PCDH15: variants seen among roughly 807,000 people sequenced by gnomAD.
The protein encoded by PCDH15 is protocadherin related 15.
PCDH15 carries 129 observed loss-of-function variants against 178.5 expected under a neutral mutation model. The ratio of observed to expected loss-of-function variants is 0.72; its 90% confidence interval spans 0.63 to 0.84. The LOEUF is 0.84. PCDH15 is among the 40% of genes least tolerant of loss of function. PCDH15 has a pLI of 0.00. For synonymous variants in PCDH15, 800 were observed against 732.0 expected, an observed-to-expected ratio of 1.09 and a Z score of -1.50; for missense variants, 2,230 against 2,099.9, an observed-to-expected ratio of 1.06 and a Z score of -1.21.
chr10:54,095,356 A>T (rs1412044693), intron 15 of PCDH15, among the ~76,000 whole-genome samples: 1 of 151,980 alleles, frequency 6.6e-6, no homozygotes, highest in African/African-American at 2.4e-5. Flanking sequence ...ATTCATAATG[A>T]TAATATAAAA....
intron 2 of PCDH15, among the ~76,000 whole-genome samples, chr10:54,608,122 G>T (rs2092826368): frequency 6.6e-6 from 1 of 151,954 alleles, no homozygotes; most frequent in Admixed American, 6.6e-5. Context: ...TAGCCCTGAG[G>T]GGATTTCCGA....
intron 2 of PCDH15, among the ~76,000 whole-genome samples, chr10:55,397,672 G>C (rs546165443): frequency 2.0e-5 from 3 of 151,710 alleles, no homozygotes; most frequent in African/African-American, 7.3e-5. Flanking sequence ...AACCTCTCTC[G>C]TCTCCCGGGT....
intron 3 of PCDH15, among the ~76,000 whole-genome samples, chr10:54,399,271 A>G (rs568510456): frequency 6.3e-4 from 96 of 151,726 alleles, no homozygotes; most frequent in Non-Finnish European, 1.2e-3. Context: ...AGTGTGTAAC[A>G]TTTATATGAT....
chr10:53,863,576 A>C (rs75766477), intron 27 of PCDH15, among the ~76,000 whole-genome samples: 1,705 of 151,868 alleles, frequency 0.011, 41 homozygotes, highest in African/African-American at 0.039. Flanking sequence ...GTGAGAAATA[A>C]GTCAAATCTA....
intron 2 of PCDH15, among the ~76,000 whole-genome samples, chr10:55,468,130 G>A (rs74606245): frequency 0.039 from 5,947 of 152,072 alleles, 359 homozygotes; most frequent in East Asian, 0.28. Flanking sequence ...AGTTTCTCAA[G>A]AGCAGGGGGG....
At chr10:54,993,242 GTCAGAAGAATAAATAAAGA>G (rs1437935887) in intron 2 of PCDH15, among the ~76,000 whole-genome samples, 2 of 152,166 alleles carry the variant, frequency 1.3e-5, no homozygotes, top group Admixed American at 6.6e-5. Flanking sequence ...AGACCTCAAA[GTCAGAAGAATAAATAAAGA>G]TCTGAAGCTG....
intron 25 of PCDH15, among the ~76,000 whole-genome samples, chr10:53,925,269 G>A (rs1235384027): frequency 1.3e-5 from 2 of 151,472 alleles, no homozygotes; most frequent in African/African-American, 4.9e-5. Context: ...AACCCACTGG[G>A]TAGAATGAAC....
intron 15 of PCDH15, among the ~76,000 whole-genome samples, chr10:54,126,186 T>C (rs1365847702): frequency 6.6e-6 from 1 of 151,796 alleles, no homozygotes; most frequent in Non-Finnish European, 1.5e-5. Flanking sequence ...TTCTCCTGCC[T>C]TTGCCTCCCA....
chr10:54,268,895 T>C (rs1444585033), intron 8 of PCDH15, among the ~76,000 whole-genome samples: 1 of 151,676 alleles, frequency 6.6e-6, no homozygotes, highest in Admixed American at 6.6e-5. Flanking sequence ...CTATGACTTA[T>C]TTTTAAAAAC....
chr10:55,431,067 A>G (rs1838870608), intron 2 of PCDH15, among the ~76,000 whole-genome samples: 1 of 152,200 alleles, frequency 6.6e-6, no homozygotes, highest in African/African-American at 2.4e-5. Flanking sequence ...CTCTTTTAAA[A>G]AATCATGAAT....
chr10:54,701,245 A>G (rs2095305746), intron 1 of PCDH15, among the ~76,000 whole-genome samples: 1 of 152,244 alleles, frequency 6.6e-6, no homozygotes, highest in Admixed American at 6.6e-5. Context: ...TTCTTTTCAG[A>G]TAAGCAAATG....
intron 2 of PCDH15, among the ~76,000 whole-genome samples, chr10:55,121,160 C>T (rs1198556107): frequency 2.0e-5 from 3 of 152,152 alleles, no homozygotes; most frequent in Non-Finnish European, 4.4e-5. Context: ...AAACCCTTCT[C>T]CAGTTGTTCA....
intron 2 of PCDH15, among the ~76,000 whole-genome samples, chr10:55,572,575 AGT>A (rs1842425587): frequency 6.6e-6 from 1 of 152,040 alleles, no homozygotes; most frequent in Non-Finnish European, 1.5e-5. Context: ...ATGAGGAGTA[AGT>A]GAGGAGAGAT....
chr10:55,325,961 G>A (rs1175312550), intron 2 of PCDH15, among the ~76,000 whole-genome samples: 1 of 151,804 alleles, frequency 6.6e-6, no homozygotes, highest in African/African-American at 2.4e-5. Flanking sequence ...GAAGACATAC[G>A]TGCAGCCTAC....
intron 26 of PCDH15, among the ~76,000 whole-genome samples, chr10:53,882,308 A>G (rs190521472): frequency 2.8e-4 from 43 of 152,228 alleles, no homozygotes; most frequent in African/African-American, 9.6e-4. Flanking sequence ...TTGGGCACCA[A>G]TAAATAGCAT....
chr10:54,850,830 C>T (rs1270533470), intron 3 of PCDH15, among the ~76,000 whole-genome samples: 1 of 152,000 alleles, frequency 6.6e-6, no homozygotes, highest in Non-Finnish European at 1.5e-5. Flanking sequence ...ATATATAAAA[C>T]ATCTGAAAAA....
chr10:55,266,986 C>A (rs1353064667), intron 1 of PCDH15, among the ~76,000 whole-genome samples: 1 of 152,144 alleles, frequency 6.6e-6, no homozygotes, highest in East Asian at 1.9e-4. Context: ...AACCCTACAG[C>A]CTGGTTGCTT....
intron 2 of PCDH15, among the ~76,000 whole-genome samples, chr10:55,528,138 G>C (rs1055296530): frequency 4.6e-5 from 7 of 152,192 alleles, no homozygotes; most frequent in African/African-American, 1.7e-4. Context: ...CTGGGCTCAA[G>C]TGATCCTCCC....
In PCDH15 at chr10:54,531,986, A is replaced by G. The variant is rs533896808; in HGVS notation, c.92-4109T>C. 1.6e-4 allele frequency among the ~76,000 whole-genome samples: 24 copies of G among 152,282 alleles called. 1 individual carries two copies. In the South Asian group the frequency reaches 4.4e-3, roughly 28 times the overall value. ...ATTTTACCCATGTTTCTAGCTTTCC[A>G]AAATGTACCGATCGATAAGTCTTGA... is the stretch of plus-strand genomic sequence containing the variant. On this transcript the variant is annotated intron_variant, in intron 2 of 37. Transcript: ENST00000644397.
Sources: gnomAD v4.1 joint callset for allele counts (sites outside exome capture counted in the v4.1 genomes callset) on GRCh38, gnomAD v4.1.1 for gene constraint, MANE v1.5 for transcripts, NCBI Gene and HGNC (gene_info 2026-07-23, HGNC 2026-07-21) for gene names.